The following WDR26 variants were observed in gnomAD, a reference collection of about 807,000 sequenced individuals.
WDR26 encodes WD repeat domain 26.
WDR26 carries 5 observed loss-of-function variants against 84.1 expected under a neutral mutation model. The ratio of observed to expected loss-of-function variants is 0.06; its 90% CI spans 0.03 to 0.13. The LOEUF (loss-of-function observed/expected upper bound fraction) is 0.13, where lower values mean the gene tolerates loss of function less well. Ranked by LOEUF, WDR26 falls within the 10% of genes least tolerant of loss-of-function variation. The probability of loss-of-function intolerance (pLI) is 1.00; values close to 1 mark genes in which losing one functional copy is unlikely to be tolerated. For missense variants in WDR26, 642 were observed against 974.9 expected, an observed-to-expected ratio of 0.66 and a Z score of 4.55; for synonymous variants, 415 against 389.6, an observed-to-expected ratio of 1.07 and a Z score of -0.77.
chr1:224,398,466 A>T, intron 11 of WDR26, 49 bp downstream of exon 11: 2 of 1,489,618 alleles, frequency 1.3e-6, no homozygotes, highest in Non-Finnish European at 1.8e-6. Flanking sequence ...AGTTAAAATA[A>T]AACTTGTACT....
chr1:224,400,906 C>A, intron 9 of WDR26, 44 bp downstream of exon 9: 1 of 1,599,178 alleles, frequency 6.3e-7, no homozygotes, highest in Non-Finnish European at 8.5e-7. Flanking sequence ...AGTACATTTG[C>A]TTTTAAACCA....
chr1:224,405,187 T>C (rs1291112321), intron 7 of WDR26, among the ~76,000 whole-genome samples: 4 of 152,218 alleles, frequency 2.6e-5, no homozygotes, highest in African/African-American at 9.6e-5. Context: ...ATACATGATG[T>C]GGTCTCTTTT....
chr1:224,418,823 G>A (rs1249932893), intron 5 of WDR26, among the ~76,000 whole-genome samples: 1 of 152,208 alleles, frequency 6.6e-6, no homozygotes, highest in Non-Finnish European at 1.5e-5. Context: ...TTAAGTTCTA[G>A]TTCCCATCAA....
At chr1:224,414,285 T>C (rs1487664200) in intron 6 of WDR26, among the ~76,000 whole-genome samples, 1 of 151,826 alleles carries the variant, frequency 6.6e-6, no homozygotes, top group East Asian at 1.9e-4. Flanking sequence ...TTTGTATTTT[T>C]AGTAGAGGCA....
At chr1:224,419,658 C>A (rs1673999923) in intron 4 of WDR26, 43 bp from the exon 5 acceptor site, 2 of 1,466,212 alleles carry the variant, frequency 1.4e-6, no homozygotes, top group Admixed American at 1.7e-5. Context: ...AAACCCATTT[C>A]TTTGTAATAA....
chr1:224,405,105 C>T (rs907450652), intron 7 of WDR26, among the ~76,000 whole-genome samples: 1 of 152,134 alleles, frequency 6.6e-6, no homozygotes, highest in Admixed American at 6.5e-5. Flanking sequence ...CCCTGCAGCC[C>T]CTGGCAACCA....
intron 9 of WDR26, 108 bp downstream of exon 9, chr1:224,400,842 G>C (rs1673392529): frequency 6.9e-7 from 1 of 1,448,300 alleles, no homozygotes; most frequent in Admixed American, 2.3e-5. Context: ...CACCATGCCT[G>C]GCCCACAGAG....
intron 7 of WDR26, among the ~76,000 whole-genome samples, chr1:224,405,866 A>G (rs1673535560): frequency 6.6e-6 from 1 of 152,220 alleles, no homozygotes; most frequent in Non-Finnish European, 1.5e-5. Context: ...TAAAATTTGT[A>G]AGCTAGGGAA....
chr1:224,400,530 A>G (rs1412924190), intron 9 of WDR26, among the ~76,000 whole-genome samples: 1 of 152,140 alleles, frequency 6.6e-6, no homozygotes, highest in Non-Finnish European at 1.5e-5. Flanking sequence ...AGGTGTTCAT[A>G]GAGTATATTT....
intron 8 of WDR26, 108 bp from the exon 9 acceptor site, chr1:224,401,177 T>A: frequency 9.4e-7 from 1 of 1,067,644 alleles, no homozygotes; most frequent in Non-Finnish European, 1.3e-6. Flanking sequence ...CAGTTCATTC[T>A]AAGTAGAGTA....
chr1:224,421,334 C>T lies in WDR26; in HGVS notation c.1065-1719G>A, dbSNP rs1674055192. ...AAAGGTAATCAGCACGCCTGTAATC[C>T]CAGCACTTTGGGAGATGAGGCAGGA... On this transcript the variant is annotated intron_variant, in intron 4 of 13. Transcript: ENST00000414423. 5.3e-5 allele frequency among the ~76,000 whole-genome samples: 8 copies of T among 152,246 alleles called. No homozygotes were observed. The South Asian group carries it at 1.7e-3, about 32-fold the overall frequency.
intron 6 of WDR26, 98 bp from the exon 7 acceptor site, chr1:224,411,663 A>C: frequency 7.7e-7 from 1 of 1,303,670 alleles, no homozygotes; most frequent in African/African-American, 1.5e-5. Context: ...TGAAGATCAC[A>C]TCACTAACTT....
chr1:224,401,110 C>G, intron 8 of WDR26, 41 bp from the exon 9 acceptor site: 1 of 1,582,596 alleles, frequency 6.3e-7, no homozygotes, highest in Non-Finnish European at 8.6e-7. Context: ...TTCAAGATAC[C>G]CCTCTAAAGG....
chr1:224,420,045 G>A (rs1213486168), intron 4 of WDR26, among the ~76,000 whole-genome samples: 1 of 152,156 alleles, frequency 6.6e-6, no homozygotes, highest in Non-Finnish European at 1.5e-5. Flanking sequence ...CATTCCAGCT[G>A]TAGAACTTGC....
At chr1:224,413,230 T>A in intron 6 of WDR26, 1 of 990,354 alleles carries the variant, frequency 1.0e-6, no homozygotes, top group Non-Finnish European at 1.2e-6. Context: ...AAAAAAACGT[T>A]ATTTAAACAA....
chr1:224,434,323 C>A lies in WDR26; in HGVS notation c.83G>T (p.Arg28Leu). ...CGCCGCCGAGGCTCGGGGTTTCTTC[C>A]GCGGGGGCGGGGAGGCTCCGCCGGT... The change falls in exon 1 of 14, where the codon CGG (arginine) becomes CTG (leucine). Residue 28 changes from arginine (R) to leucine (L), a missense_variant. Transcript: ENST00000414423. The A allele has an allele frequency of 8.1e-7, 1 of 1,230,550 alleles. No individual in the cohort carries two copies. The highest frequency in any genetic ancestry group is 1.0e-6 in the Non-Finnish European group (1 of 987,654). The allele number at this position is 1,230,550 out of a possible 1,614,324, so 76.2% of individuals were successfully genotyped here. A position where few individuals can be genotyped will look rare whatever the true frequency, so the allele number is the denominator to read the frequency against.
chr1:224,403,250 C>G (rs942963911), intron 8 of WDR26, among the ~76,000 whole-genome samples: 2 of 152,070 alleles, frequency 1.3e-5, no homozygotes, highest in Non-Finnish European at 2.9e-5. Flanking sequence ...CGGGGTTTCA[C>G]CATCTTGGCC....
rs1375916791 is a variant in WDR26 at position 224,431,552 on chromosome 1, A to G, written c.852T>C (p.Pro284=). 3.7e-6 allele frequency: 6 copies of G among 1,613,986 alleles called. No homozygotes were observed. Among genetic ancestry groups the G allele is most frequent in the Non-Finnish European group, 5.1e-6 (6 of 1,179,986 alleles). ...CAATAGCATGAGGAGAATGCACTAA[A>G]GGCTTTAGTTCATTCAGGTCATTTT... The change falls in exon 3 of 14, where the codon CCT becomes CCC. Residue 284 remains proline (P), a synonymous_variant. Transcript: ENST00000414423.
intron 3 of WDR26, among the ~76,000 whole-genome samples, chr1:224,427,377 T>C (rs1674261271): frequency 6.6e-6 from 1 of 152,044 alleles, no homozygotes; most frequent in South Asian, 2.1e-4. Context: ...CCCATTCCAA[T>C]GTGTGCAGGG....
Sources: allele counts gnomAD v4.1 joint callset (sites outside exome capture counted in the v4.1 genomes callset), GRCh38; gene constraint gnomAD v4.1.1; transcripts MANE v1.5; gene names NCBI Gene and HGNC (gene_info 2026-07-23, HGNC 2026-07-21).